DIP2C: variants seen among roughly 807,000 people sequenced by gnomAD.
DIP2C encodes DIP2 acetate--CoA ligase C (putative), also known as disco-interacting protein 2 homolog C.
DIP2C carries 33 observed loss-of-function variants against 192.4 expected under a neutral mutation model. The observed-to-expected ratio is 0.17, with a 90% confidence interval of 0.13 to 0.23. The LOEUF is 0.23. Among genes scored for constraint, DIP2C ranks in the 10% least tolerant of loss-of-function variants. The pLI is 1.00. For missense variants in DIP2C, 1,537 were observed against 2,110.1 expected (o/e 0.73, Z 5.32); for synonymous variants, 979 against 864.1 (o/e 1.13, Z -2.33).
At chr10:480,453 T>TGG (rs1248241160) in intron 2 of DIP2C, among the ~76,000 whole-genome samples, 1 of 147,390 alleles carries the variant, frequency 6.8e-6, no homozygotes, top group African/African-American at 2.5e-5. Context: ...GCCTGAGCCC[T>TGG]GGTCCATGCT....
chr10:565,884 A>C (rs1205668719), intron 1 of DIP2C, among the ~76,000 whole-genome samples: 1 of 152,190 alleles, frequency 6.6e-6, no homozygotes, highest in Non-Finnish European at 1.5e-5. Context: ...CCAGCACTTC[A>C]CACGTTGGGA....
intron 32 of DIP2C, among the ~76,000 whole-genome samples, chr10:301,827 G>C (rs1458480760): frequency 2.0e-5 from 3 of 152,202 alleles, no homozygotes; most frequent in Non-Finnish European, 4.4e-5. Context: ...GAGTCGGGAG[G>C]CAAGAGAAGT....
chr10:576,648 C>T (rs1850180697), intron 1 of DIP2C, among the ~76,000 whole-genome samples: 1 of 152,190 alleles, frequency 6.6e-6, no homozygotes, highest in African/African-American at 2.4e-5. Context: ...GTGGCTCAGA[C>T]CTATAATCCC....
In DIP2C at chr10:543,890, A is replaced by G. The variant is rs777222863; in HGVS notation, c.86-57360T>C. 3.9e-4 allele frequency among the ~76,000 whole-genome samples: 57 copies of G among 145,972 alleles called. 2 individuals carry two copies. The highest frequency in any genetic ancestry group is 3.4e-3 in the Middle Eastern group (1 of 290). ...TCACCACCCGCAAAAGAAACCTTGA[A>G]TCCATTAAGAGTCAGCACCTGCTGC... On this transcript the variant is annotated intron_variant, in intron 1 of 36. Transcript: ENST00000280886.
At chr10:472,108 TAAGAAA>T (rs908298945) in intron 3 of DIP2C, among the ~76,000 whole-genome samples, 1 of 152,060 alleles carries the variant, frequency 6.6e-6, no homozygotes, top group Non-Finnish European at 1.5e-5. Flanking sequence ...TCACTGATGG[TAAGAAA>T]AAGAAAAAAC....
At chr10:481,918 C>G (rs1339853685) in intron 2 of DIP2C, among the ~76,000 whole-genome samples, 1 of 152,222 alleles carries the variant, frequency 6.6e-6, no homozygotes, top group Non-Finnish European at 1.5e-5. Context: ...GTCCACTTTC[C>G]GTGAGCAGGC....
chr10:400,110 T>A (rs373294301), intron 9 of DIP2C, among the ~76,000 whole-genome samples: 3 of 151,852 alleles, frequency 2.0e-5, no homozygotes, highest in East Asian at 1.9e-4. Flanking sequence ...AGTGGCACAA[T>A]CATAGCTCAC....
At chr10:610,852 T>C (rs1393600760) in intron 1 of DIP2C, among the ~76,000 whole-genome samples, 1 of 147,190 alleles carries the variant, frequency 6.8e-6, no homozygotes, top group East Asian at 2.0e-4. Context: ...GGGAGGTGAC[T>C]GACTCATGGG....
intron 1 of DIP2C, among the ~76,000 whole-genome samples, chr10:530,235 A>G (rs763068243): frequency 6.6e-6 from 1 of 152,210 alleles, no homozygotes; most frequent in Non-Finnish European, 1.5e-5. Context: ...CATTTCCCAG[A>G]TATTAAGCAG....
chr10:438,397 T>C (rs1180902199), intron 4 of DIP2C, among the ~76,000 whole-genome samples: 6 of 152,234 alleles, frequency 3.9e-5, no homozygotes, highest in Non-Finnish European at 7.3e-5. Context: ...TCCTTTTAAG[T>C]CCATTTTGTT....
At chr10:521,450 C>T (rs1846703281) in intron 1 of DIP2C, among the ~76,000 whole-genome samples, 1 of 152,198 alleles carries the variant, frequency 6.6e-6, no homozygotes, top group Non-Finnish European at 1.5e-5. Context: ...TGCCCCCAGG[C>T]ACATGCTTAC....
intron 4 of DIP2C, 56 bp downstream of exon 4, chr10:440,815 C>G (rs1488086604): frequency 6.4e-7 from 1 of 1,558,280 alleles, no homozygotes; most frequent in Non-Finnish European, 8.6e-7. Flanking sequence ...TGGGCTAGGT[C>G]AATTCTGAGG....
At chr10:495,057 A>G (rs1312552769) in intron 1 of DIP2C, among the ~76,000 whole-genome samples, 4 of 152,256 alleles carry the variant, frequency 2.6e-5, no homozygotes, top group African/African-American at 4.8e-5. Flanking sequence ...TTAACGAACT[A>G]AATTCTGCCA....
intron 26 of DIP2C, among the ~76,000 whole-genome samples, chr10:346,795 G>A (rs61836767): frequency 0.87 from 2,725 of 3,126 alleles, 1,239 homozygotes; most frequent in Middle Eastern, 1. Context: ...CACATCGCGC[G>A]TAGTTCTCCC....
intron 29 of DIP2C, chr10:340,930 A>G: frequency 1.8e-6 from 1 of 543,512 alleles, no homozygotes; most frequent in Non-Finnish European, 3.5e-6. Flanking sequence ...GGAGCCTGGG[A>G]GTCTTCTGAT....
intron 1 of DIP2C, chr10:662,124 GA>G (rs1195252504): frequency 1.4e-6 from 1 of 717,238 alleles, no homozygotes; most frequent in African/African-American, 1.7e-5. Context: ...GACAGGTAAG[GA>G]CTTCCACATT....
At chr10:283,221 C>G in intron 35 of DIP2C, 51 bp downstream of exon 35, 1 of 1,578,656 alleles carries the variant, frequency 6.3e-7, no homozygotes, top group Middle Eastern at 2.0e-4. Flanking sequence ...CTACAGGAGC[C>G]TAACCTCTCT....
chr10:505,664 C>A (rs1845552059), intron 1 of DIP2C, among the ~76,000 whole-genome samples: 1 of 151,634 alleles, frequency 6.6e-6, no homozygotes, highest in African/African-American at 2.4e-5. Context: ...GAGCCACCTG[C>A]CCAGCTGTGC....
chr10:618,254 A>C (rs1382115780), intron 1 of DIP2C, among the ~76,000 whole-genome samples: 3 of 152,342 alleles, frequency 2.0e-5, no homozygotes, highest in Non-Finnish European at 2.9e-5. Flanking sequence ...AATTACAAGA[A>C]TCTCTAAGAA....
Sources: allele counts gnomAD v4.1 joint callset (sites outside exome capture counted in the v4.1 genomes callset), GRCh38; gene constraint gnomAD v4.1.1; transcripts MANE v1.5; gene names NCBI Gene and HGNC (gene_info 2026-07-23, HGNC 2026-07-21).